Variants in KIAA2012 observed in about 807,000 individuals in gnomAD.
KIAA2012 encodes the protein KIAA2012.
In KIAA2012, 125 loss-of-function variants were observed where a neutral mutation model predicts 150.6. The ratio of observed to expected loss-of-function variants is 0.83; its 90% CI spans 0.72 to 0.96. The LOEUF (loss-of-function observed/expected upper bound fraction) is 0.96. KIAA2012 is among the 40% of genes least tolerant of loss of function. The pLI is 0.00. For missense variants in KIAA2012, 1,219 were observed against 1,354.9 expected, an observed-to-expected ratio of 0.90 and a Z score of 1.57; for synonymous variants, 462 against 504.7, an observed-to-expected ratio of 0.92 and a Z score of 1.13.
Position 202,191,804 on chromosome 2 carries a change from A to G in KIAA2012, c.2811+1311A>G, listed in dbSNP as rs116288101. ...TAAGCCACTACAATTAAACTCACAT[A>G]TGTTACATTAACCTTTACCACACTT... On this transcript the variant is annotated intron_variant, in intron 19 of 23. Transcript: ENST00000498697. 2.0e-3 allele frequency among the ~76,000 whole-genome samples: 300 copies of G among 152,332 alleles called. 3 individuals are homozygous for G. Among genetic ancestry groups the G allele is most frequent in the African/African-American group, 7.1e-3 (297 of 41,574 alleles).
chr2:202,142,008 T>G lies in KIAA2012; in HGVS notation c.1908+3500T>G, dbSNP rs567628517. On this transcript the variant is annotated intron_variant, in intron 13 of 23. Transcript: ENST00000498697. ...TACTCAGTAAAGATTACCTCCAATTTTAAAAGAAAATCATTGAGAACCAGG... is the reference window on the plus strand; with the variant it reads ...TACTCAGTAAAGATTACCTCCAATTGTAAAAGAAAATCATTGAGAACCAGG... Among the ~76,000 whole-genome samples the G allele has an allele frequency of 3.0e-4, 45 of 152,174 alleles. No homozygotes were observed. In the South Asian group the frequency reaches 9.3e-3, roughly 32 times the overall value.
intron 22 of KIAA2012, among the ~76,000 whole-genome samples, chr2:202,199,766 AC>A (rs1692478804): frequency 6.6e-6 from 1 of 152,080 alleles, no homozygotes; most frequent in Non-Finnish European, 1.5e-5. Flanking sequence ...GACCCTATTA[AC>A]CCACTCCAGG....
chr2:202,122,366 A>G (rs1263932678), intron 11 of KIAA2012, among the ~76,000 whole-genome samples: 1 of 152,246 alleles, frequency 6.6e-6, no homozygotes, highest in African/African-American at 2.4e-5. Context: ...CATGCTCCCT[A>G]GGGCCACTGA....
At chr2:202,112,099 A>G (rs79979745) in intron 10 of KIAA2012, among the ~76,000 whole-genome samples, 370 of 152,278 alleles carry the variant, frequency 2.4e-3, no homozygotes, top group African/African-American at 8.4e-3. Context: ...GCCCCTTTGA[A>G]AACACCTGAG....
intron 12 of KIAA2012, among the ~76,000 whole-genome samples, chr2:202,131,127 TGTGA>T (rs1478438420): frequency 6.6e-6 from 1 of 152,104 alleles, no homozygotes; most frequent in Non-Finnish European, 1.5e-5. Flanking sequence ...AGAAAGAATC[TGTGA>T]GTATGTTTTT....
chr2:202,116,458 T>A (rs1285815502), intron 11 of KIAA2012: 2 of 128,570 alleles, frequency 1.6e-5, no homozygotes, highest in Non-Finnish European at 3.1e-5. Flanking sequence ...CGAGCCACCA[T>A]GCCCGGCTTT....
chr2:202,078,721 A>G (rs116526192), intron 2 of KIAA2012, among the ~76,000 whole-genome samples: 264 of 152,298 alleles, frequency 1.7e-3, no homozygotes, highest in African/African-American at 6.0e-3. Context: ...TAATTCATTT[A>G]TGCTTTCTAA....
chr2:202,128,835 G>C (rs1559214053), intron 12 of KIAA2012, among the ~76,000 whole-genome samples: 1 of 149,652 alleles, frequency 6.7e-6, no homozygotes. Context: ...AACCTTATTT[G>C]TTCCCTTGAT....
intron 15 of KIAA2012, among the ~76,000 whole-genome samples, chr2:202,180,269 C>CT (rs1213684151): frequency 2.0e-5 from 1 of 49,336 alleles, no homozygotes; most frequent in Non-Finnish European, 4.4e-5. Context: ...GAAACTCCTC[C>CT]AAAAAAAAAA....
intron 15 of KIAA2012, among the ~76,000 whole-genome samples, chr2:202,183,238 A>G (rs1692156423): frequency 6.6e-6 from 1 of 152,070 alleles, no homozygotes; most frequent in African/African-American, 2.4e-5. Context: ...TAGGCAACAT[A>G]GTGAGACTCC....
At chr2:202,201,511 G>A (rs1270198600) in intron 22 of KIAA2012, 12 of 1,607,744 alleles carry the variant, frequency 7.5e-6, no homozygotes, top group Non-Finnish European at 1.0e-5. Flanking sequence ...GGTGGAGGAA[G>A]AATGTTGCCA....
chr2:202,132,133 G>A (rs192226647), intron 12 of KIAA2012, among the ~76,000 whole-genome samples: 46 of 152,258 alleles, frequency 3.0e-4, no homozygotes, highest in African/African-American at 9.9e-4. Flanking sequence ...CCGAGATCAT[G>A]CCATTGCACT....
rs1450535582 is a variant in KIAA2012 at position 202,109,620 on chromosome 2, T to TGCCCCACCTCACGATGTG, written c.1491_1508dup (p.His498_Pro503dup). 1.3e-5 allele frequency: 20 copies of TGCCCCACCTCACGATGTG among 1,530,940 alleles called. No individual in the cohort carries two copies. Among genetic ancestry groups the TGCCCCACCTCACGATGTG allele is most frequent in the Non-Finnish European group, 1.8e-5 (20 of 1,140,890 alleles). The allele number at this position is 1,530,940 out of a possible 1,614,324, so 94.8% of individuals were successfully genotyped here. The stretch of plus-strand genomic sequence containing the variant: ...CCCCTTTTGTTTTTAAAGATGATGA[T>TGCCCCACCTCACGATGTG]GCCCCACCTCACGATGTGGCCCCAC... On this transcript the variant is annotated inframe_insertion, in exon 10 of 24. Coordinates refer to ENST00000498697, the MANE Select transcript of KIAA2012 (RefSeq NM_001277372.4).
At chr2:202,126,147 G>T (rs1344334498) in intron 12 of KIAA2012, among the ~76,000 whole-genome samples, 1 of 151,714 alleles carries the variant, frequency 6.6e-6, no homozygotes, top group African/African-American at 2.4e-5. Context: ...TAGAGACGGG[G>T]CTTCACCATA....
intron 4 of KIAA2012, among the ~76,000 whole-genome samples, chr2:202,095,999 G>A (rs541465790): frequency 3.9e-5 from 6 of 152,184 alleles, no homozygotes; most frequent in East Asian, 3.9e-4. Flanking sequence ...CAGGAGAATC[G>A]CTTGAACCTG....
intron 12 of KIAA2012, among the ~76,000 whole-genome samples, chr2:202,133,109 A>AAAAAAAAAATATATATAT (rs766606713): frequency 3.4e-5 from 3 of 87,862 alleles, no homozygotes; most frequent in African/African-American, 4.6e-5. Context: ...TCTAAAAAAA[A>AAAAAAAAAATATATATAT]ATATATATAT....
intron 2 of KIAA2012, among the ~76,000 whole-genome samples, chr2:202,089,459 G>A (rs1010158838): frequency 2.0e-5 from 3 of 152,220 alleles, no homozygotes; most frequent in Non-Finnish European, 1.5e-5. Context: ...GTCAGTTACT[G>A]AAGAACAAGA....
chr2:202,098,822 ACGCGCGCG>A (rs147687356), intron 5 of KIAA2012, among the ~76,000 whole-genome samples: 2 of 110,742 alleles, frequency 1.8e-5, no homozygotes, highest in East Asian at 4.6e-4. Flanking sequence ...GTGTGTGTGC[ACGCGCGCG>A]CGCGCGCAGG....
At chr2:202,113,471 C>A (rs778791825) in intron 11 of KIAA2012, 25 bp downstream of exon 11, 1 of 1,483,662 alleles carries the variant, frequency 6.7e-7, no homozygotes, top group Non-Finnish European at 9.0e-7. Context: ...TCCAGGGCAG[C>A]CTTGTTTTTT....
Sources: allele counts gnomAD v4.1 joint callset (sites outside exome capture counted in the v4.1 genomes callset), GRCh38; gene constraint gnomAD v4.1.1; transcripts MANE v1.5; gene names NCBI Gene and HGNC (gene_info 2026-07-23, HGNC 2026-07-21).